ARHGAP15: variants seen among roughly 807,000 people sequenced by gnomAD.
The protein encoded by ARHGAP15 is rho GTPase-activating protein 15.
ARHGAP15 carries 51 observed loss-of-function variants against 63.7 expected under a neutral mutation model. That is an observed-to-expected ratio of 0.80 (90% CI 0.64 to 1.01). ARHGAP15 has a LOEUF of 1.01. ARHGAP15 is among the 50% of genes least tolerant of loss of function. ARHGAP15 has a pLI of 0.00. For missense variants in ARHGAP15, 560 were observed against 564.6 expected (o/e 0.99, Z 0.08); for synonymous variants, 191 against 193.8 (o/e 0.99, Z 0.12).
intron 6 of ARHGAP15, among the ~76,000 whole-genome samples, chr2:143,298,463 C>T (rs1402769128): frequency 2.0e-5 from 3 of 151,942 alleles, no homozygotes; most frequent in African/African-American, 7.2e-5. Flanking sequence ...ATGACAGCTT[C>T]GCTAAGCCTC....
At chr2:143,224,033 C>T (rs993524333) in intron 4 of ARHGAP15, among the ~76,000 whole-genome samples, 4 of 152,182 alleles carry the variant, frequency 2.6e-5, no homozygotes, top group South Asian at 2.1e-4. Flanking sequence ...GTGTTTGGCA[C>T]GTGGTAAATG....
chr2:143,520,954 T>C (rs1694038946), intron 10 of ARHGAP15, among the ~76,000 whole-genome samples: 2 of 152,174 alleles, frequency 1.3e-5, no homozygotes, highest in Admixed American at 1.3e-4. Flanking sequence ...TGTGCAGATA[T>C]TATAATATTG....
intron 13 of ARHGAP15, among the ~76,000 whole-genome samples, chr2:143,736,133 C>A (rs1290260945): frequency 6.6e-6 from 1 of 152,118 alleles, no homozygotes; most frequent in African/African-American, 2.4e-5. Flanking sequence ...AATCCTAGCA[C>A]TTTGGGAGGC....
chr2:143,601,063 G>A (rs577200796), intron 11 of ARHGAP15, among the ~76,000 whole-genome samples: 6 of 151,730 alleles, frequency 4.0e-5, no homozygotes, highest in Non-Finnish European at 5.9e-5. Context: ...AGTTCTGAAC[G>A]TTTGGCTGAA....
At position 143,272,035 on chromosome 2, in the gene ARHGAP15, T is replaced by G. The variant is rs182227209; in HGVS notation, c.474+21435T>G. Among the ~76,000 whole-genome samples, 3 of 152,320 alleles carry G rather than the reference T, an allele frequency of 2.0e-5. No individual in the cohort carries two copies. The East Asian group carries it at 5.8e-4, about 29-fold the overall frequency. ...CCCTAGAAGAATGAACTATGCCTTGTGTTCTTTTAAATCGCCGGTCATTGT... is the reference window on the plus strand; with the variant it reads ...CCCTAGAAGAATGAACTATGCCTTGGGTTCTTTTAAATCGCCGGTCATTGT... On this transcript the variant is annotated intron_variant, in intron 6 of 13. Transcript: ENST00000295095.
At chr2:143,748,172 G>T (rs1392744904) in intron 13 of ARHGAP15, among the ~76,000 whole-genome samples, 7 of 152,164 alleles carry the variant, frequency 4.6e-5, no homozygotes, top group Non-Finnish European at 1.0e-4. Flanking sequence ...ACACTATGTT[G>T]TCTTCACAGT....
chr2:143,267,628 G>T (rs183698930), intron 6 of ARHGAP15, among the ~76,000 whole-genome samples: 1 of 152,140 alleles, frequency 6.6e-6, no homozygotes, highest in African/African-American at 2.4e-5. Context: ...ATGTAAATGG[G>T]TTTAGTCCTT....
intron 6 of ARHGAP15, among the ~76,000 whole-genome samples, chr2:143,265,238 A>G (rs1331806872): frequency 3.3e-5 from 5 of 149,808 alleles, no homozygotes; most frequent in Non-Finnish European, 7.4e-5. Flanking sequence ...TTTTTTTTTA[A>G]TAGAACGACC....
At chr2:143,566,715 T>G (rs1472857963) in intron 11 of ARHGAP15, among the ~76,000 whole-genome samples, 1 of 152,066 alleles carries the variant, frequency 6.6e-6, no homozygotes, top group Admixed American at 6.5e-5. Flanking sequence ...GAAATGAGTT[T>G]CCAGCAGATC....
intron 6 of ARHGAP15, among the ~76,000 whole-genome samples, chr2:143,255,406 C>T (rs1479555212): frequency 1.3e-5 from 2 of 151,808 alleles, no homozygotes; most frequent in Admixed American, 1.3e-4. Flanking sequence ...AAAAGTAAAC[C>T]TCGGAATAGA....
rs1375022548 is a variant in ARHGAP15 at position 143,601,644 on chromosome 2, AT to A, written c.1004-22485del. 3 of 152,092 alleles carry A rather than the reference AT, an allele frequency of 2.0e-5. No individual in the cohort carries two copies. The South Asian group carries it at 6.2e-4, about 31-fold the overall frequency. The allele number at this position is 152,092 out of a possible 1,614,324, so 9.4% of individuals were successfully genotyped here. A position where few individuals can be genotyped will look rare whatever the true frequency, so the allele number is the denominator to read the frequency against. On this transcript the variant is annotated intron_variant, in intron 11 of 13. Coordinates refer to ENST00000295095, the MANE Select transcript of ARHGAP15 (RefSeq NM_018460.4). The stretch of plus-strand genomic sequence containing the variant: ...TTTTTTACTTCATCTGGTGCTTCAA[AT>A]TTTGTATGATGCAGGATTTAGTTTT...
Position 143,519,355 on chromosome 2 carries a change from G to A in ARHGAP15, c.916G>A (p.Glu306Lys). 1 of 1,612,126 alleles carries A rather than the reference G, an allele frequency of 6.2e-7. No homozygotes were observed. Among genetic ancestry groups the A allele is most frequent in the Non-Finnish European group, 8.5e-7 (1 of 1,178,482 alleles). The change falls in exon 10 of 14, where the codon GAG (glutamate) becomes AAG (lysine). Residue 306 changes from glutamate (E) to lysine (K), a missense_variant. Glu to Lys is a moderately conservative substitution (Grantham distance 56). Transcript: ENST00000295095. ...WFVKQCIEAV[E>K]KRGLDVDGIY... ...TGTAAAGCAATGCATTGAAGCTGTT[G>A]AGAAAAGAGGTGGGTGACTGAATGT...
intron 6 of ARHGAP15, among the ~76,000 whole-genome samples, chr2:143,272,922 G>T (rs1396058680): frequency 6.6e-6 from 1 of 151,970 alleles, no homozygotes; most frequent in Non-Finnish European, 1.5e-5. Context: ...CTATATGATG[G>T]AATTTTTTTT....
At chr2:143,479,467 T>G (rs13413953) in intron 8 of ARHGAP15, among the ~76,000 whole-genome samples, 37,348 of 152,040 alleles carry the variant, frequency 0.25, 5,931 homozygotes, top group Non-Finnish European at 0.35. Flanking sequence ...ATACAATCTT[T>G]CCTCATGGAA....
At chr2:143,638,067 T>A (rs1680412919) in intron 12 of ARHGAP15, among the ~76,000 whole-genome samples, 1 of 144,926 alleles carries the variant, frequency 6.9e-6, no homozygotes, top group Non-Finnish European at 1.5e-5. Flanking sequence ...TGTAAACTAG[T>A]TCAACCATTG....
chr2:143,678,420 G>A (rs2105365237), intron 12 of ARHGAP15, among the ~76,000 whole-genome samples: 1 of 152,276 alleles, frequency 6.6e-6, no homozygotes, highest in East Asian at 1.9e-4. Context: ...ATTCCTTAGA[G>A]GGGAATATTC....
intron 6 of ARHGAP15, among the ~76,000 whole-genome samples, chr2:143,400,414 G>A (rs994606597): frequency 5.3e-5 from 8 of 151,826 alleles, no homozygotes; most frequent in Admixed American, 6.6e-5. Flanking sequence ...TTATCTAGTT[G>A]TTTGTTTACT....
At chr2:143,475,749 C>T (rs1691786598) in intron 8 of ARHGAP15, among the ~76,000 whole-genome samples, 1 of 152,240 alleles carries the variant, frequency 6.6e-6, no homozygotes. Flanking sequence ...CCATAGCTTA[C>T]AGCCAGAGAC....
chr2:143,448,645 GA>G (rs962238447), intron 8 of ARHGAP15, among the ~76,000 whole-genome samples: 10 of 151,798 alleles, frequency 6.6e-5, no homozygotes, highest in Non-Finnish European at 1.5e-4. Flanking sequence ...CTGTGGTTTG[GA>G]AAACAACCAT....
Sources: gnomAD v4.1 joint callset for allele counts (sites outside exome capture counted in the v4.1 genomes callset) on GRCh38, gnomAD v4.1.1 for gene constraint, MANE v1.5 for transcripts, NCBI Gene and HGNC (gene_info 2026-07-23, HGNC 2026-07-21) for gene names.